THEMIS2: variants seen among roughly 807,000 people sequenced by gnomAD.
THEMIS2 encodes protein THEMIS2.
In THEMIS2, 29 loss-of-function variants were observed where a neutral mutation model predicts 46.8. That is an observed-to-expected ratio of 0.62 (90% CI 0.46 to 0.84). THEMIS2 has a LOEUF of 0.84. Ranked by LOEUF, THEMIS2 falls within the 40% of genes least tolerant of loss-of-function variation. THEMIS2 has a pLI of 0.00. For missense variants in THEMIS2, 698 were observed against 834.7 expected (o/e 0.84, Z 2.02); for synonymous variants, 335 against 349.1 (o/e 0.96, Z 0.45).
chr1:27,877,057 G>A (rs2089594657), intron 2 of THEMIS2, among the ~76,000 whole-genome samples: 1 of 152,230 alleles, frequency 6.6e-6, no homozygotes, highest in Non-Finnish European at 1.5e-5. Context: ...CAGGCTCCGT[G>A]TGGCGGGCTG....
rs372894304 is a variant in THEMIS2, at chr1:27,879,746, C to G, written c.338C>G (p.Ser113Trp). 1.2e-6 allele frequency: 2 copies of G among 1,613,994 alleles called. No homozygotes were observed. The highest frequency in any genetic ancestry group is 1.7e-6 in the Non-Finnish European group (2 of 1,180,020). ...AAGCAGCTGCCCACTTGCTTCATGTCGACCCACAGGATTGTCACAGAGGGC... is the reference window on the plus strand; with the variant it reads ...AAGCAGCTGCCCACTTGCTTCATGTGGACCCACAGGATTGTCACAGAGGGC... ...SSKQLPTCFMSTHRIVTEGRV... is the reference protein window; with the variant it reads ...SSKQLPTCFMWTHRIVTEGRV... Residue 113 changes from serine (S) to tryptophan (W), a missense_variant, in exon 3 of 6, where the codon TCG becomes TGG. By Grantham distance (177) the Ser-to-Trp change is radical. Coordinates refer to ENST00000373921, the MANE Select transcript of THEMIS2 (RefSeq NM_001105556.3).
At chr1:27,875,389 G>T (rs1434022847) in intron 1 of THEMIS2, among the ~76,000 whole-genome samples, 2 of 152,238 alleles carry the variant, frequency 1.3e-5, no homozygotes, top group Non-Finnish European at 2.9e-5. Context: ...GGTATCTGTA[G>T]TACCACAGCT....
chr1:27,876,299 G>A (rs1293835891), intron 1 of THEMIS2, among the ~76,000 whole-genome samples: 1 of 152,090 alleles, frequency 6.6e-6, no homozygotes, highest in Non-Finnish European at 1.5e-5. Context: ...TGGCTGCAGT[G>A]ATGTTGAGAT....
chr1:27,881,923 C>G (rs1482087884), intron 3 of THEMIS2, 48 bp from the exon 4 acceptor site: 1 of 1,489,102 alleles, frequency 6.7e-7, no homozygotes, highest in African/African-American at 1.4e-5. Context: ...GGGGTGGGGG[C>G]CACTCCTGGG....
chr1:27,880,247 A>T (rs1306607307), intron 3 of THEMIS2, among the ~76,000 whole-genome samples, 193 bp downstream of exon 3: 1 of 152,046 alleles, frequency 6.6e-6, no homozygotes, highest in African/African-American at 2.4e-5. Flanking sequence ...CCCAAGCTGG[A>T]GTGCAATGGT....
chr1:27,882,244 G>A lies in THEMIS2; in HGVS notation c.920G>A (p.Gly307Asp), dbSNP rs750531012. The change falls in exon 4 of 6, where the codon GGC (glycine) becomes GAC (aspartate). Residue 307 changes from glycine to aspartate, a missense_variant. Physicochemically the swap from Gly to Asp is moderately conservative, Grantham distance 94. Transcript: ENST00000373921. This position sits in a 1 kb window ranked among gnomAD's most constrained non-coding sequence, Gnocchi z 7.6. ...TGGCGGGTCCTGGCCTCAAGCAAGG[G>A]CCGCAAGGTGCCCAGGCACTTCCTG... ...PPWRVLASSK[G>D]RKVPRHFLVS... 2 of 1,608,436 alleles carry A rather than the reference G, an allele frequency of 1.2e-6. No homozygotes were observed. Among genetic ancestry groups the A allele is most frequent in the Admixed American group, 3.4e-5 (2 of 59,466 alleles).
In THEMIS2 at chr1:27,885,623, A is replaced by G. The variant is rs563532099; in HGVS notation, c.1876+172A>G. Among the ~76,000 whole-genome samples, 5 of 152,230 alleles carry G rather than the reference A, an allele frequency of 3.3e-5. No homozygotes were observed. In the East Asian group the frequency reaches 9.7e-4, roughly 29 times the overall value. On this transcript the variant is annotated intron_variant, in intron 5 of 5. Coordinates refer to ENST00000373921, the MANE Select transcript of THEMIS2 (RefSeq NM_001105556.3). Reference sequence around the variant, plus strand: ...TAGAAAGGTTCCTACTGTCTTTCCCATGGGCTCTAGGGCTTTGGCAAGGAA... The same window carrying G: ...TAGAAAGGTTCCTACTGTCTTTCCCGTGGGCTCTAGGGCTTTGGCAAGGAA...
chr1:27,883,944 G>C (rs2089727738), intron 4 of THEMIS2: 1 of 152,216 alleles, frequency 6.6e-6, no homozygotes, highest in Non-Finnish European at 1.5e-5. Flanking sequence ...ATGAGCGGGA[G>C]AGAGCCAGGC....
In THEMIS2 at chr1:27,882,760, A is replaced by C. The variant is rs759861636; in HGVS notation, c.1436A>C (p.Glu479Ala). 6.2e-7 allele frequency: 1 copy of C among 1,613,748 alleles called. No individual in the cohort carries two copies. The highest frequency in any genetic ancestry group is 1.7e-5 in the Admixed American group (1 of 59,988). ...LTSFLGLRLE[E>A]KITEPFLVVS... ...TCCTTCCTGGGCCTGCGGCTGGAGGAGAAGATCACAGAGCCATTCTTGGTG... is the reference window on the plus strand; with the variant it reads ...TCCTTCCTGGGCCTGCGGCTGGAGGCGAAGATCACAGAGCCATTCTTGGTG... The change falls in exon 4 of 6, where the codon GAG becomes GCG. Residue 479 changes from glutamate to alanine, a missense_variant. Coordinates refer to ENST00000373921, the MANE Select transcript of THEMIS2 (RefSeq NM_001105556.3). This position sits in a 1 kb window ranked among gnomAD's most constrained non-coding sequence, Gnocchi z 7.6.
At chr1:27,881,376 A>G (rs35119733) in intron 3 of THEMIS2, among the ~76,000 whole-genome samples, 89,443 of 150,680 alleles carry the variant, frequency 0.59, 26,934 homozygotes, top group Middle Eastern at 0.72. Context: ...GCGTGAACCC[A>G]GGGGCTAGAG....
At chr1:27,885,759 A>G (rs924647355) in intron 5 of THEMIS2, 108 bp from the exon 6 acceptor site, 19 of 1,099,060 alleles carry the variant, frequency 1.7e-5, no homozygotes, top group Non-Finnish European at 2.6e-5. Flanking sequence ...CAAAGACCGT[A>G]GGGCATCCAG....
chr1:27,880,623 C>T (rs1332862033), intron 3 of THEMIS2, among the ~76,000 whole-genome samples: 1 of 152,186 alleles, frequency 6.6e-6, no homozygotes, highest in Non-Finnish European at 1.5e-5. Flanking sequence ...ACCCCCATCT[C>T]TACAAAAATT....
Position 27,879,954 on chromosome 1 carries a change from A to T in THEMIS2, c.546A>T (p.Leu182=). Reference sequence around the variant, plus strand: ...CCCCTCGAACTCTGCTCCAGGTCCTACAGGATCCAGCCCTGAAAGACCTCG... The same window carrying T: ...CCCCTCGAACTCTGCTCCAGGTCCTTCAGGATCCAGCCCTGAAAGACCTCG... The part of the protein sequence containing the change: ...PSAPRTLLQV[L]QDPALKDLVL... Residue 182 remains leucine (L), a synonymous_variant, in exon 3 of 6, where the codon CTA becomes CTT. Transcript: ENST00000373921. 6.2e-7 allele frequency: 1 copy of T among 1,612,542 alleles called. No individual in the cohort carries two copies. The highest frequency in any genetic ancestry group is 8.5e-7 in the Non-Finnish European group (1 of 1,179,332).
At chr1:27,877,317 A>C (rs1297698220) in intron 2 of THEMIS2, among the ~76,000 whole-genome samples, 2 of 151,862 alleles carry the variant, frequency 1.3e-5, no homozygotes, top group Admixed American at 6.6e-5. Flanking sequence ...CTCAATTCTT[A>C]TTATTTTTTT....
In THEMIS2 at chr1:27,882,846, A is replaced by G; in HGVS notation, c.1522A>G (p.Thr508Ala). 1 of 1,613,712 alleles carries G rather than the reference A, an allele frequency of 6.2e-7. No individual in the cohort carries two copies. Among genetic ancestry groups the G allele is most frequent in the Non-Finnish European group, 8.5e-7 (1 of 1,179,892 alleles). ...FEIPPRWLDL[T>A]VVKAKGQPDL... Reference sequence around the variant, plus strand: ...GATCCCTCCCCGGTGGCTGGACCTGACTGTTGTGAAGGCCAAGGGGCAGCC... The same window carrying G: ...GATCCCTCCCCGGTGGCTGGACCTGGCTGTTGTGAAGGCCAAGGGGCAGCC... Residue 508 changes from threonine to alanine, a missense_variant, in exon 4 of 6, where the codon ACT becomes GCT. Coordinates refer to ENST00000373921, the MANE Select transcript of THEMIS2 (RefSeq NM_001105556.3). The surrounding 1 kb of genome is among the most constrained non-coding windows in gnomAD (Gnocchi z 7.6).
Position 27,872,612 on chromosome 1 carries a change from A to AC in THEMIS2, c.45dup (p.Ala16ArgfsTer21). ...CTGCAGGACTTCGTGCGCGCCTTGG[A>AC]CCCCGCCTCCCTCCCGCGCGTGCTG... On this transcript the variant is annotated frameshift_variant, in exon 1 of 6. Coordinates refer to ENST00000373921, the MANE Select transcript of THEMIS2 (RefSeq NM_001105556.3). LOFTEE classifies it high-confidence loss of function. This position sits in a 1 kb window ranked among gnomAD's most constrained non-coding sequence, Gnocchi z 4.9. The AC allele has an allele frequency of 6.8e-7, 1 of 1,477,908 alleles. No homozygotes were observed. The highest frequency in any genetic ancestry group is 9.0e-7 in the Non-Finnish European group (1 of 1,115,694). The allele number at this position is 1,477,908 out of a possible 1,614,324, so 91.5% of individuals were successfully genotyped here.
At chr1:27,876,853 A>G (rs562438741) in intron 2 of THEMIS2, 125 bp downstream of exon 2, 39 of 1,178,882 alleles carry the variant, frequency 3.3e-5, no homozygotes, top group Admixed American at 1.9e-4. Flanking sequence ...CGAGGCCCTC[A>G]CATTCACCAC....
In THEMIS2 at chr1:27,885,969, G is replaced by A. The variant is rs1423427596; in HGVS notation, c.*47G>A. On this transcript the variant is annotated 3_prime_UTR_variant, in exon 6 of 6. Transcript: ENST00000373921. Reference sequence around the variant, plus strand: ...CTAACTGCTGCTTCTCAGGGAATCCGACACCAGCCAACCATTTTAAGCCTC... The same window carrying A: ...CTAACTGCTGCTTCTCAGGGAATCCAACACCAGCCAACCATTTTAAGCCTC... 7 of 1,588,402 alleles carry A rather than the reference G, an allele frequency of 4.4e-6. No homozygotes were observed. Among genetic ancestry groups the A allele is most frequent in the African/African-American group, 2.7e-5 (2 of 74,332 alleles).
chr1:27,880,185 G>A (rs544356769), intron 3 of THEMIS2, 131 bp downstream of exon 3: 3 of 1,048,168 alleles, frequency 2.9e-6, no homozygotes, highest in South Asian at 1.7e-5. Flanking sequence ...TGCTCCCTCT[G>A]TATTACACTG....
Sources: gnomAD v4.1 joint callset for allele counts (sites outside exome capture counted in the v4.1 genomes callset) on GRCh38, gnomAD v4.1.1 for gene constraint, Gnocchi (gnomAD v3.1) non-coding constraint, MANE v1.5 for transcripts, NCBI Gene and HGNC (gene_info 2026-07-23, HGNC 2026-07-21) for gene names.